The following OCA2 variants were observed in gnomAD, a reference collection of about 807,000 sequenced individuals.
The protein encoded by OCA2 is P protein.
Under a neutral mutation model 100.2 loss-of-function variants are expected in OCA2, and 77 were observed. The ratio of observed to expected loss-of-function variants is 0.77; its 90% CI spans 0.64 to 0.93. The LOEUF is 0.93. Among genes scored for constraint, OCA2 ranks in the 40% least tolerant of loss-of-function variants. The probability of loss-of-function intolerance (pLI) is 0.00; values close to 1 mark genes in which losing one functional copy is unlikely to be tolerated. For synonymous variants in OCA2, 432 were observed against 439.2 expected (o/e 0.98, Z 0.21); for missense variants, 1,062 against 1,089.1 (o/e 0.98, Z 0.35).
intron 23 of OCA2, among the ~76,000 whole-genome samples, chr15:27,836,806 G>A (rs906160555): frequency 3.9e-5 from 6 of 152,086 alleles, no homozygotes; most frequent in African/African-American, 1.2e-4. Context: ...ATATTGCTTC[G>A]AATACAGTAT....
intron 23 of OCA2, among the ~76,000 whole-genome samples, chr15:27,796,018 T>C (rs1011446950): frequency 6.6e-6 from 1 of 152,144 alleles, no homozygotes; most frequent in Admixed American, 6.5e-5. Context: ...AGCATCATAA[T>C]TGAGTTTGTT....
rs1034947864 is a variant in OCA2 at position 27,957,842 on chromosome 15, C to T, written c.1637-107G>A. 8.8e-6 allele frequency: 12 copies of T among 1,369,898 alleles called. No individual in the cohort carries two copies. Among genetic ancestry groups the T allele is most frequent in the African/African-American group, 2.9e-5 (2 of 70,110 alleles). The allele number at this position is 1,369,898 out of a possible 1,614,324, so 84.9% of individuals were successfully genotyped here. A position where few individuals can be genotyped will look rare whatever the true frequency, so the allele number is the denominator to read the frequency against. ...ATGCCTGACAGAGCAGACACACACT[C>T]GAGACGTGCAGGTAGCCCAGGGTCA... is the stretch of plus-strand genomic sequence containing the variant. On this transcript the variant is annotated intron_variant, in intron 15 of 23. Transcript: ENST00000354638. This position sits in a 1 kb window ranked among gnomAD's most constrained non-coding sequence, Gnocchi z 4.3.
intron 23 of OCA2, among the ~76,000 whole-genome samples, chr15:27,831,839 C>T (rs1024573388): frequency 2.6e-5 from 4 of 152,206 alleles, no homozygotes; most frequent in African/African-American, 7.2e-5. Flanking sequence ...TCCACCCAAG[C>T]GAATTTGATT....
In OCA2 at chr15:27,755,404, A is replaced by T. The variant is rs759396151; in HGVS notation, c.2501T>A (p.Val834Glu). 6.8e-6 allele frequency: 11 copies of T among 1,613,206 alleles called. No individual in the cohort carries two copies. In the African/African-American group the frequency reaches 1.5e-4, roughly 22 times the overall value. The part of the protein sequence containing the change: ...GMCYLLVAHV[V>E]VGWN ...GGATGTCTATTAATTCCATCCCACC[A>T]CCACATGAGCCACAAGGAGATAACA... Residue 834 changes from valine (V) to glutamate (E), a missense_variant, in exon 24 of 24, where the codon GTG becomes GAG. By Grantham distance (121) the Val-to-Glu change is moderately radical. Coordinates refer to ENST00000354638, the MANE Select transcript of OCA2 (RefSeq NM_000275.3).
At chr15:27,987,453 C>T (rs892779102) in intron 11 of OCA2, among the ~76,000 whole-genome samples, 1 of 152,056 alleles carries the variant, frequency 6.6e-6, no homozygotes. Context: ...GGTGTGGTGG[C>T]TCACGCCTGT....
chr15:27,992,107 T>C (rs1375679035), intron 9 of OCA2, among the ~76,000 whole-genome samples: 1 of 31,540 alleles, frequency 3.2e-5, no homozygotes, highest in Admixed American at 3.6e-4. Flanking sequence ...TTAGGACGCT[T>C]TTTTTTTTTT....
At chr15:27,968,715 G>A (rs2140850100) in intron 14 of OCA2, among the ~76,000 whole-genome samples, 1 of 152,212 alleles carries the variant, frequency 6.6e-6, no homozygotes, top group African/African-American at 2.4e-5. Flanking sequence ...ACATCCAATG[G>A]TTGTCCTTGA....
intron 23 of OCA2, among the ~76,000 whole-genome samples, chr15:27,759,031 G>A (rs1483663355): frequency 1.3e-5 from 2 of 152,060 alleles, no homozygotes; most frequent in African/African-American, 2.4e-5. Flanking sequence ...AATCAAACTC[G>A]TGAAAACTAA....
intron 23 of OCA2, among the ~76,000 whole-genome samples, chr15:27,804,337 C>T (rs2033736112): frequency 6.6e-6 from 1 of 152,182 alleles, no homozygotes; most frequent in Non-Finnish European, 1.5e-5. Context: ...ACAATGGCCC[C>T]TAAGCAACAT....
chr15:27,838,962 G>A (rs746936660), intron 23 of OCA2, among the ~76,000 whole-genome samples: 8 of 152,000 alleles, frequency 5.3e-5, no homozygotes, highest in Non-Finnish European at 1.2e-4. Context: ...ACTTAATCAC[G>A]GATCTAAGAG....
intron 2 of OCA2, among the ~76,000 whole-genome samples, chr15:28,042,991 T>G (rs2141481631): frequency 6.6e-6 from 1 of 152,308 alleles, no homozygotes. Flanking sequence ...AAATTAATAT[T>G]TTTAAGAGAA....
chr15:27,728,420 A>C, the OCA2 span, among the ~76,000 whole-genome samples: 27 of 151,934 alleles, frequency 1.8e-4, no homozygotes, highest in African/African-American at 6.3e-4. Context: ...AATGAGCTGC[A>C]GAGCTGAGTC....
At chr15:28,025,995 C>A (rs1274378281) in intron 4 of OCA2, among the ~76,000 whole-genome samples, 1 of 152,208 alleles carries the variant, frequency 6.6e-6, no homozygotes, top group Non-Finnish European at 1.5e-5. Flanking sequence ...TTCAACAGCT[C>A]CTACTTAAAT....
chr15:27,869,373 T>C (rs1186112795), intron 21 of OCA2, among the ~76,000 whole-genome samples: 1 of 152,256 alleles, frequency 6.6e-6, no homozygotes, highest in Non-Finnish European at 1.5e-5. Context: ...ATCTGTAATG[T>C]TGTATTTCTT....
the OCA2 span, among the ~76,000 whole-genome samples, chr15:27,722,224 A>G: frequency 6.6e-6 from 1 of 152,078 alleles, no homozygotes; most frequent in African/African-American, 2.4e-5. Context: ...CGTGTATTCT[A>G]TTTTTCTGTG....
At chr15:27,742,042 A>T in the OCA2 span, among the ~76,000 whole-genome samples, 1 of 152,208 alleles carries the variant, frequency 6.6e-6, no homozygotes, top group African/African-American at 2.4e-5. Context: ...TTTAGGAAAT[A>T]CACATTGCAG....
chr15:27,841,714 C>A (rs1288093768), intron 23 of OCA2, among the ~76,000 whole-genome samples: 2 of 152,144 alleles, frequency 1.3e-5, no homozygotes, highest in Non-Finnish European at 1.5e-5. Context: ...TAGGAAAATT[C>A]ATCTCTCAAG....
At chr15:27,839,042 C>T (rs1019492438) in intron 23 of OCA2, among the ~76,000 whole-genome samples, 2 of 151,998 alleles carry the variant, frequency 1.3e-5, no homozygotes, top group Non-Finnish European at 2.9e-5. Flanking sequence ...AGCAGAAATA[C>T]TTCAATTAGT....
At chr15:27,750,665 G>C (rs2030035943), downstream of OCA2, among the ~76,000 whole-genome samples, 1 of 152,222 alleles carries the variant, frequency 6.6e-6, no homozygotes. Flanking sequence ...CTGACAGTAG[G>C]AGAGGCAGTA....
Sources: allele counts gnomAD v4.1 joint callset (sites outside exome capture counted in the v4.1 genomes callset), GRCh38; gene constraint gnomAD v4.1.1; non-coding constraint Gnocchi (gnomAD v3.1); transcripts MANE v1.5; gene names NCBI Gene and HGNC (gene_info 2026-07-23, HGNC 2026-07-21).